The following ANKRD13B variants were observed in gnomAD, a reference collection of about 807,000 sequenced individuals.
The protein encoded by ANKRD13B is ankyrin repeat domain-containing protein 13B.
ANKRD13B carries 33 observed loss-of-function variants against 74.4 expected under a neutral mutation model. The observed-to-expected ratio is 0.44, with a 90% CI of 0.34 to 0.59. The LOEUF is 0.59. ANKRD13B is among the 20% of genes least tolerant of loss of function. ANKRD13B has a pLI of 0.02. For synonymous variants in ANKRD13B, 341 were observed against 362.9 expected, an observed-to-expected ratio of 0.94 and a Z score of 0.68; for missense variants, 676 against 877.9, an observed-to-expected ratio of 0.77 and a Z score of 2.91.
Position 29,613,597 on chromosome 17 carries a change from AC to A in ANKRD13B, c.*18del. The stretch of plus-strand genomic sequence containing the variant: ...CCGAGCAGTAGCGCCCCCTGCCGGG[AC>A]CCTCGCCAGCGCCACGCGCGCCACG... On this transcript the variant is annotated 3_prime_UTR_variant, in exon 15 of 15. Transcript: ENST00000394859. 7.1e-7 allele frequency: 1 copy of A among 1,410,250 alleles called. No homozygotes were observed. The allele number at this position is 1,410,250 out of a possible 1,614,324, so 87.4% of individuals were successfully genotyped here. A position where few individuals can be genotyped will look rare whatever the true frequency, so the allele number is the denominator to read the frequency against.
Position 29,613,856 on chromosome 17 carries a change from T to G in ANKRD13B, c.*274T>G. The G allele has an allele frequency of 3.6e-5, 17 of 469,400 alleles. No individual in the cohort carries two copies. Among genetic ancestry groups the G allele is most frequent in the East Asian group, 3.9e-5 (1 of 25,464 alleles). 29.1% of individuals were successfully genotyped at this position (469,400 alleles called of 1,614,324 possible). ...ACCCGCTCCCCTGGGCTCAGATCTGTCCTGTCCTAGGGCGGAGCCAGGCGG... is the reference window on the plus strand; with the variant it reads ...ACCCGCTCCCCTGGGCTCAGATCTGGCCTGTCCTAGGGCGGAGCCAGGCGG... On this transcript the variant is annotated 3_prime_UTR_variant, in exon 15 of 15. Transcript: ENST00000394859.
In ANKRD13B at chr17:29,612,740, C is replaced by G. The variant is rs1379264675; in HGVS notation, c.1500C>G (p.Thr500=). 3 of 1,601,884 alleles carry G rather than the reference C, an allele frequency of 1.9e-6. No homozygotes were observed. The highest frequency in any genetic ancestry group is 2.5e-6 in the Non-Finnish European group (3 of 1,178,822). Residue 500 remains threonine, a synonymous_variant, in exon 13 of 15, where the codon ACC becomes ACG. Transcript: ENST00000394859. The surrounding 1 kb of genome is among the most constrained non-coding windows in gnomAD (Gnocchi z 6.1). ...TGGGCGGCCAGCGGGAGGCGGCGAC[C>G]CGGGACGACGACGACGACCTGCTGC... is the stretch of plus-strand genomic sequence containing the variant. The part of the protein sequence containing the change: ...SMMGGQREAA[T]RDDDDDLLQF...
intron 1 of ANKRD13B, among the ~76,000 whole-genome samples, chr17:29,606,567 A>G (rs139544977): frequency 1.3e-3 from 193 of 151,736 alleles, no homozygotes; most frequent in African/African-American, 4.5e-3. Flanking sequence ...CAAAAAACAA[A>G]CAAACAAACA....
In ANKRD13B at chr17:29,608,701, C is replaced by G. The variant is rs2034475358; in HGVS notation, c.422-150C>G. The G allele has an allele frequency of 8.8e-7, 1 of 1,139,834 alleles. No homozygotes were observed. The highest frequency in any genetic ancestry group is 1.2e-6 in the Non-Finnish European group (1 of 816,852). The allele number at this position is 1,139,834 out of a possible 1,614,324, so 70.6% of individuals were successfully genotyped here. A position where few individuals can be genotyped will look rare whatever the true frequency, so the allele number is the denominator to read the frequency against. On this transcript the variant is annotated intron_variant, in intron 4 of 14. Transcript: ENST00000394859. This position sits in a 1 kb window ranked among gnomAD's most constrained non-coding sequence, Gnocchi z 6.4. ...TCTGTGTGAGTATGGTCTACACTGGCCAGGGAGGGGGTTTTGGAGGAGAGG... is the reference window on the plus strand; with the variant it reads ...TCTGTGTGAGTATGGTCTACACTGGGCAGGGAGGGGGTTTTGGAGGAGAGG...
rs780636255 is a variant in ANKRD13B at position 29,610,771 on chromosome 17, T to C, written c.904+5T>C. On this transcript the variant is annotated splice_donor_5th_base_variant and intron_variant, in intron 8 of 14. Transcript: ENST00000394859. ...AGCACAAGGGCAAGGTCAAAGGTAA[T>C]GAGGCAGAGCTGGATGGGGAGAGGT... The C allele has an allele frequency of 9.9e-6, 16 of 1,613,506 alleles. No individual in the cohort carries two copies. The East Asian group carries it at 3.6e-4, about 36-fold the overall frequency.
chr17:29,593,461 C>G lies in ANKRD13B; in HGVS notation c.-161C>G, dbSNP rs1360517380. The G allele has an allele frequency of 6.3e-6, 1 of 158,880 alleles. No individual in the cohort carries two copies. The highest frequency in any genetic ancestry group is 2.0e-4 in the East Asian group (1 of 4,964). The allele number at this position is 158,880 out of a possible 1,614,324, so 9.8% of individuals were successfully genotyped here. A position where few individuals can be genotyped will look rare whatever the true frequency, so the allele number is the denominator to read the frequency against. On this transcript the variant is annotated 5_prime_UTR_variant, in exon 1 of 15. Coordinates refer to ENST00000394859, the MANE Select transcript of ANKRD13B (RefSeq NM_152345.5). Reference sequence around the variant, plus strand: ...CCCGTCGCCCGCGCCGCCCGCACCGCGCCGGGCGCGCCGCCCCCGCCCGCC... The same window carrying G: ...CCCGTCGCCCGCGCCGCCCGCACCGGGCCGGGCGCGCCGCCCCCGCCCGCC...
chr17:29,608,652 C>A lies in ANKRD13B; in HGVS notation c.422-199C>A. 1.5e-6 allele frequency: 1 copy of A among 677,926 alleles called. No individual in the cohort carries two copies. The highest frequency in any genetic ancestry group is 2.4e-6 in the Non-Finnish European group (1 of 411,434). 42.0% of individuals were successfully genotyped at this position (677,926 alleles called of 1,614,324 possible). A position where few individuals can be genotyped will look rare whatever the true frequency, so the allele number is the denominator to read the frequency against. On this transcript the variant is annotated intron_variant, in intron 4 of 14. Coordinates refer to ENST00000394859, the MANE Select transcript of ANKRD13B (RefSeq NM_152345.5). This position sits in a 1 kb window ranked among gnomAD's most constrained non-coding sequence, Gnocchi z 6.4. ...GGGACTTAGTGGTGACAGAAACATG[C>A]CCGTCCCGACCTCAGGTTGCTCTTC...
chr17:29,593,700 C>A lies in ANKRD13B; in HGVS notation c.79C>A (p.His27Asn). The stretch of plus-strand genomic sequence containing the variant: ...GCACTACCTCGTGTGGCACAACCGC[C>A]ACCGCGAGCTGGAGAAGGAGGTCCG... ...PLHYLVWHNR[H>N]RELEKEVRAG... The change falls in exon 1 of 15, where the codon CAC (histidine) becomes AAC (asparagine). Residue 27 changes from histidine (H) to asparagine (N), a missense_variant. By Grantham distance (68) the His-to-Asn change is moderately conservative. Transcript: ENST00000394859. 1 of 1,441,030 alleles carries A rather than the reference C, an allele frequency of 6.9e-7. No homozygotes were observed. The highest frequency in any genetic ancestry group is 9.2e-7 in the Non-Finnish European group (1 of 1,088,032). 89.3% of individuals were successfully genotyped at this position (1,441,030 alleles called of 1,614,324 possible).
chr17:29,606,728 TAAAAAAAAAAAAAAAA>T (rs370548766), intron 1 of ANKRD13B, among the ~76,000 whole-genome samples: 4 of 62,950 alleles, frequency 6.4e-5, no homozygotes, highest in South Asian at 6.6e-4. Flanking sequence ...CTGTCTCAAG[TAAAAAAAAAAAAAAAA>T]AAAAAAAAAA....
At chr17:29,601,891 G>C (rs939599764) in intron 1 of ANKRD13B, among the ~76,000 whole-genome samples, 4 of 152,066 alleles carry the variant, frequency 2.6e-5, no homozygotes, top group African/African-American at 9.7e-5. Context: ...AGTATTTCCT[G>C]TATCTGTTCT....
chr17:29,599,428 T>G (rs1254271703), intron 1 of ANKRD13B: 1 of 151,378 alleles, frequency 6.6e-6, no homozygotes, highest in Non-Finnish European at 1.5e-5. Context: ...CAGTGAGAGA[T>G]GGGGGGGCAA....
intron 14 of ANKRD13B, 82 bp from the exon 15 acceptor site, chr17:29,613,272 C>T (rs2034671397): frequency 5.7e-6 from 8 of 1,394,424 alleles, no homozygotes; most frequent in Non-Finnish European, 7.4e-6. Flanking sequence ...GCGGGCCGCC[C>T]TGGAGCCTCC....
intron 1 of ANKRD13B, among the ~76,000 whole-genome samples, chr17:29,594,503 A>G (rs2033884113): frequency 6.6e-6 from 1 of 152,206 alleles, no homozygotes; most frequent in African/African-American, 2.4e-5. Flanking sequence ...TCCAGAAAAC[A>G]GGGGAAGGGG....
rs1567792068 is a variant in ANKRD13B at position 29,608,142 on chromosome 17, CCCT to C, written c.375+33_375+35del. 7 of 1,613,734 alleles carry C rather than the reference CCCT, an allele frequency of 4.3e-6. No individual in the cohort carries two copies. The highest frequency in any genetic ancestry group is 5.9e-6 in the Non-Finnish European group (7 of 1,179,800). ...CCCAGCCTCTCAGCCTCCACGGGAG[CCCT>C]TGAGCCCTTCTCCAGTGCAGACTTA... On this transcript the variant is annotated intron_variant, in intron 3 of 14. Coordinates refer to ENST00000394859, the MANE Select transcript of ANKRD13B (RefSeq NM_152345.5). The surrounding 1 kb of genome is among the most constrained non-coding windows in gnomAD (Gnocchi z 6.4).
Position 29,593,404 on chromosome 17 carries a change from G to T in ANKRD13B, c.-218G>T. 1 of 146,636 alleles carries T rather than the reference G, an allele frequency of 6.8e-6. No individual in the cohort carries two copies. The highest frequency in any genetic ancestry group is 1.8e-4 in the South Asian group (1 of 5,422). The allele number at this position is 146,636 out of a possible 1,614,324, so 9.1% of individuals were successfully genotyped here. On this transcript the variant is annotated 5_prime_UTR_variant, in exon 1 of 15. Coordinates refer to ENST00000394859, the MANE Select transcript of ANKRD13B (RefSeq NM_152345.5). ...TCCCAGGGCGGGTGGGGGCCTCTCCGCGCCGCCCGCCGCCGCCGCCTCGCG... is the reference window on the plus strand; with the variant it reads ...TCCCAGGGCGGGTGGGGGCCTCTCCTCGCCGCCCGCCGCCGCCGCCTCGCG...
In ANKRD13B at chr17:29,606,728, T is replaced by TAAA. The variant is rs370548766; in HGVS notation, c.115-984_115-982dup. On this transcript the variant is annotated intron_variant, in intron 1 of 14. Coordinates refer to ENST00000394859, the MANE Select transcript of ANKRD13B (RefSeq NM_152345.5). Reference sequence around the variant, plus strand: ...TGACATAGTGAGACCCTGTCTCAAGTAAAAAAAAAAAAAAAAAAAAAAAAA... The same window carrying TAAA: ...TGACATAGTGAGACCCTGTCTCAAGTAAAAAAAAAAAAAAAAAAAAAAAAAAAA... Among the ~76,000 whole-genome samples the TAAA allele has an allele frequency of 1.8e-3, 114 of 62,962 alleles. 1 individual carries two copies. The highest frequency in any genetic ancestry group is 2.9e-3 in the Non-Finnish European group (102 of 34,792). The allele number at this position is 62,962 out of a possible 152,430, so 41.3% of individuals were successfully genotyped here.
chr17:29,607,701 C>A, intron 1 of ANKRD13B, 41 bp from the exon 2 acceptor site: 1 of 1,571,250 alleles, frequency 6.4e-7, no homozygotes, highest in Non-Finnish European at 8.6e-7. Context: ...CTGCCTCCGA[C>A]GTGACTGGGG....
rs372062091 is a variant in ANKRD13B, at chr17:29,609,339, C to G, written c.756-16C>G. On this transcript the variant is annotated splice_polypyrimidine_tract_variant and intron_variant, in intron 6 of 14. Transcript: ENST00000394859. The surrounding 1 kb of genome is among the most constrained non-coding windows in gnomAD (Gnocchi z 4.0). ...GGTGGGGTGCCTGCCTCACCTGGAC[C>G]ACTCTGCTTCCCCAGGAACAAGACT... 2 of 1,613,406 alleles carry G rather than the reference C, an allele frequency of 1.2e-6. No individual in the cohort carries two copies. The highest frequency in any genetic ancestry group is 8.5e-7 in the Non-Finnish European group (1 of 1,179,966).
chr17:29,605,310 G>T (rs1189341597), intron 1 of ANKRD13B, among the ~76,000 whole-genome samples: 1 of 151,932 alleles, frequency 6.6e-6, no homozygotes, highest in Non-Finnish European at 1.5e-5. Context: ...AGCTCACCTT[G>T]TTCATTTTCC....
Sources: gnomAD v4.1 joint callset for allele counts (sites outside exome capture counted in the v4.1 genomes callset) on GRCh38, gnomAD v4.1.1 for gene constraint, Gnocchi (gnomAD v3.1) non-coding constraint, MANE v1.5 for transcripts, NCBI Gene and HGNC (gene_info 2026-07-23, HGNC 2026-07-21) for gene names.